The following GALNT9 variants were observed in gnomAD, a reference collection of about 807,000 sequenced individuals.
GALNT9 encodes the protein GalNAc transferase 9.
A neutral mutation model predicts 63.1 loss-of-function variants in GALNT9; 47 were observed. That is an observed-to-expected ratio of 0.75 (90% CI 0.59 to 0.95). The LOEUF is 0.95. Ranked by LOEUF, GALNT9 falls within the 40% of genes least tolerant of loss-of-function variation. GALNT9 has a pLI of 0.00. For synonymous variants in GALNT9, 396 were observed against 365.7 expected (o/e 1.08, Z -0.94); for missense variants, 829 against 874.8 (o/e 0.95, Z 0.66).
chr12:132,299,511 T>A (rs1881212160), intron 1 of GALNT9, among the ~76,000 whole-genome samples: 1 of 126,068 alleles, frequency 7.9e-6, no homozygotes, highest in Admixed American at 8.3e-5. Flanking sequence ...CTCCCATAAC[T>A]CACCCACTCC....
intron 6 of GALNT9, among the ~76,000 whole-genome samples, chr12:132,225,898 A>C (rs1283621653): frequency 7.0e-5 from 9 of 128,138 alleles, no homozygotes; most frequent in South Asian, 5.3e-4. Flanking sequence ...ACACCCCACA[A>C]CCCACACCCC....
rs534170420 is a variant in GALNT9 at position 132,282,227 on chromosome 12, C to G, written c.419+4023G>C. On this transcript the variant is annotated intron_variant, in intron 2 of 10. Coordinates refer to ENST00000328957, the MANE Select transcript of GALNT9 (RefSeq NM_001122636.2). The surrounding 1 kb of genome is among the most constrained non-coding windows in gnomAD (Gnocchi z 4.5). ...AGAAGAGGAATCAGCTCCACTGCAG[C>G]AAGGCCAGGCCTGGGGTCCCACATC... Among the ~76,000 whole-genome samples, 2 of 148,916 alleles carry G rather than the reference C, an allele frequency of 1.3e-5. No individual in the cohort carries two copies. The highest frequency in any genetic ancestry group is 3.0e-5 in the Non-Finnish European group (2 of 67,484).
At chr12:132,237,732 C>T (rs1325462083) in intron 6 of GALNT9, among the ~76,000 whole-genome samples, 14 of 152,208 alleles carry the variant, frequency 9.2e-5, no homozygotes, top group Non-Finnish European at 2.1e-4. Context: ...GTGCTCAGTT[C>T]GGGGCCACCT....
At chr12:132,217,782 CCACCCAGCCATCCATCCATCCGTCCATT>C (rs1022207272) in intron 6 of GALNT9, among the ~76,000 whole-genome samples, 1 of 151,680 alleles carries the variant, frequency 6.6e-6, no homozygotes, top group African/African-American at 2.4e-5. Flanking sequence ...ATCCCTGCAT[CCACCCAGCCATCCATCCATCCGTCCATT>C]CACCCATCCA....
intron 4 of GALNT9, among the ~76,000 whole-genome samples, chr12:132,260,293 C>A (rs56241115): frequency 0.36 from 55,199 of 151,766 alleles, 10,102 homozygotes; most frequent in Middle Eastern, 0.4. Flanking sequence ...CCTGCCCACA[C>A]CTTGGAGTCG....
chr12:132,324,870 G>A (rs1555246424), intron 1 of GALNT9, among the ~76,000 whole-genome samples: 3 of 152,220 alleles, frequency 2.0e-5, no homozygotes, highest in African/African-American at 7.2e-5. Flanking sequence ...AAGGCAGCCT[G>A]GGGAGATACG....
At chr12:132,230,487 C>T (rs910990955) in intron 6 of GALNT9, among the ~76,000 whole-genome samples, 8 of 152,260 alleles carry the variant, frequency 5.3e-5, no homozygotes, top group Non-Finnish European at 4.4e-5. Flanking sequence ...CCATAACCCA[C>T]GCGGGCTGGG....
At chr12:132,215,891 T>C (rs1877162701) in intron 6 of GALNT9, among the ~76,000 whole-genome samples, 1 of 149,534 alleles carries the variant, frequency 6.7e-6, no homozygotes, top group Admixed American at 6.6e-5. Flanking sequence ...AGAGTAGGGT[T>C]GGGGGGTGCT....
At chr12:132,306,642 C>T (rs575146916) in intron 1 of GALNT9, among the ~76,000 whole-genome samples, 171 of 152,340 alleles carry the variant, frequency 1.1e-3, no homozygotes, top group African/African-American at 3.8e-3. Context: ...TTCCCCAGGA[C>T]GTTCTCCACG....
At chr12:132,229,799 C>G (rs1349399616) in intron 6 of GALNT9, among the ~76,000 whole-genome samples, 1 of 152,234 alleles carries the variant, frequency 6.6e-6, no homozygotes, top group Non-Finnish European at 1.5e-5. Context: ...CACAGGTGTT[C>G]ACTGATTTAA....
rs1162938557 is a variant in GALNT9 at position 132,316,470 on chromosome 12, G to A, written c.238+12496C>T. ...AAGGAATTTGCAGTTCTCAACCTCA[G>A]ATGACCTTGCTTCCTTCCTCCCTGG... is the stretch of plus-strand genomic sequence containing the variant. On this transcript the variant is annotated intron_variant, in intron 1 of 10. Coordinates refer to ENST00000328957, the MANE Select transcript of GALNT9 (RefSeq NM_001122636.2). This position sits in a 1 kb window ranked among gnomAD's most constrained non-coding sequence, Gnocchi z 4.3. 1.3e-5 allele frequency among the ~76,000 whole-genome samples: 2 copies of A among 152,084 alleles called. No individual in the cohort carries two copies. Among genetic ancestry groups the A allele is most frequent in the African/African-American group, 4.8e-5 (2 of 41,384 alleles).
chr12:132,248,652 C>A (rs1878804539), intron 5 of GALNT9, among the ~76,000 whole-genome samples: 1 of 152,224 alleles, frequency 6.6e-6, no homozygotes, highest in Non-Finnish European at 1.5e-5. Flanking sequence ...CTCCACAGAA[C>A]CTTGTTGATG....
intron 2 of GALNT9, among the ~76,000 whole-genome samples, chr12:132,267,856 A>G (rs1016678025): frequency 2.3e-4 from 27 of 119,078 alleles, no homozygotes; most frequent in African/African-American, 6.1e-4. Flanking sequence ...ACCCACATGC[A>G]CACACACACG....
intron 6 of GALNT9, among the ~76,000 whole-genome samples, chr12:132,229,507 C>T (rs1877817090): frequency 1.3e-5 from 2 of 152,256 alleles, no homozygotes; most frequent in African/African-American, 4.8e-5. Flanking sequence ...ATGCCCCAGA[C>T]ACCGACCACA....
At chr12:132,264,837 C>T (rs1200621070) in intron 2 of GALNT9, among the ~76,000 whole-genome samples, 7 of 152,318 alleles carry the variant, frequency 4.6e-5, no homozygotes, top group African/African-American at 7.2e-5. Flanking sequence ...CTGGACCAGC[C>T]GTCAGCAGAT....
At chr12:132,247,647 G>A in intron 6 of GALNT9, 3 of 381,262 alleles carry the variant, frequency 7.9e-6, no homozygotes, top group Non-Finnish European at 1.4e-5. Context: ...AGACGCCATG[G>A]CCGCACTCGC....
At chr12:132,239,647 CAGAGTCAGAGACAGAG>C (rs1341175737) in intron 6 of GALNT9, among the ~76,000 whole-genome samples, 207 of 148,792 alleles carry the variant, frequency 1.4e-3, no homozygotes, top group African/African-American at 5.0e-3. Flanking sequence ...GAGTCAGAGA[CAGAGTCAGAGACAGAG>C]AGAGACAGAG....
intron 6 of GALNT9, among the ~76,000 whole-genome samples, chr12:132,213,726 G>T (rs1024130723): frequency 6.6e-6 from 1 of 152,240 alleles, no homozygotes; most frequent in African/African-American, 2.4e-5. Flanking sequence ...GGTGTTCAGG[G>T]GACATGAGGC....
chr12:132,314,826 A>C (rs1868424535), intron 1 of GALNT9, among the ~76,000 whole-genome samples: 1 of 152,194 alleles, frequency 6.6e-6, no homozygotes, highest in Non-Finnish European at 1.5e-5. Flanking sequence ...CCTGGCATTC[A>C]TGCATCTTGG....
Sources: allele counts gnomAD v4.1 joint callset (sites outside exome capture counted in the v4.1 genomes callset), GRCh38; gene constraint gnomAD v4.1.1; non-coding constraint Gnocchi (gnomAD v3.1); transcripts MANE v1.5; gene names NCBI Gene and HGNC (gene_info 2026-07-23, HGNC 2026-07-21).